ZNRF2: variants seen among roughly 807,000 people sequenced by gnomAD.
ZNRF2 encodes the protein zinc and ring finger 2.
ZNRF2 carries 16 observed loss-of-function variants against 20.4 expected under a neutral mutation model. The observed-to-expected ratio is 0.79, with a 90% CI of 0.53 to 1.19. The LOEUF is 1.19. ZNRF2 is among the 50% of genes most tolerant of loss of function. The pLI is 0.00. For missense variants in ZNRF2, 363 were observed against 332.4 expected (o/e 1.09, Z -0.72); for synonymous variants, 178 against 144.9 (o/e 1.23, Z -1.64).
chr7:30,344,787 T>C (rs779481590), intron 2 of ZNRF2, among the ~76,000 whole-genome samples: 2 of 152,248 alleles, frequency 1.3e-5, no homozygotes, highest in African/African-American at 4.8e-5. Context: ...TACCTAGATT[T>C]CTTGCATGTT....
intron 2 of ZNRF2, among the ~76,000 whole-genome samples, chr7:30,326,879 A>G (rs560266401): frequency 5.6e-4 from 85 of 152,182 alleles, no homozygotes; most frequent in Admixed American, 5.4e-3. Context: ...CATTTCTCTA[A>G]TGATCAGTGA....
chr7:30,348,758 T>A (rs1799918623), intron 2 of ZNRF2, among the ~76,000 whole-genome samples: 1 of 152,200 alleles, frequency 6.6e-6, no homozygotes, highest in Admixed American at 6.5e-5. Flanking sequence ...ATTGTTACAA[T>A]TGTACTATTC....
In ZNRF2 at chr7:30,337,823, C is replaced by G. The variant is rs141869075; in HGVS notation, c.565+14086C>G. Among the ~76,000 whole-genome samples the G allele has an allele frequency of 9.9e-5, 15 of 151,852 alleles. No individual in the cohort carries two copies. In the East Asian group the frequency reaches 2.9e-3, roughly 29 times the overall value. ...GAACAGGTAATATGTTTGCATGGTT[C>G]CTATGCAAAGAGATACAAAGTATGC... On this transcript the variant is annotated intron_variant, in intron 2 of 4. Coordinates refer to ENST00000323037, the MANE Select transcript of ZNRF2 (RefSeq NM_147128.4).
intron 1 of ZNRF2, among the ~76,000 whole-genome samples, chr7:30,292,877 G>A (rs1355190683): frequency 6.6e-6 from 1 of 152,292 alleles, no homozygotes; most frequent in Non-Finnish European, 1.5e-5. Flanking sequence ...CTGACCTGTG[G>A]TTTGCGGCTT....
At chr7:30,345,618 T>C (rs1365768640) in intron 2 of ZNRF2, among the ~76,000 whole-genome samples, 2 of 152,120 alleles carry the variant, frequency 1.3e-5, no homozygotes, top group Non-Finnish European at 2.9e-5. Flanking sequence ...TCCAGATTAA[T>C]TTAGAACTTC....
At chr7:30,289,810 G>A (rs746000347) in intron 1 of ZNRF2, 1 of 534,458 alleles carries the variant, frequency 1.9e-6, no homozygotes, top group East Asian at 5.5e-5. Flanking sequence ...TTTGCTGGCT[G>A]GTGCAGTGCC....
At chr7:30,329,671 T>C (rs1430517419) in intron 2 of ZNRF2, among the ~76,000 whole-genome samples, 3 of 152,184 alleles carry the variant, frequency 2.0e-5, no homozygotes, top group African/African-American at 4.8e-5. Context: ...ATTCTATTGT[T>C]TATAGATACC....
chr7:30,287,776 G>A (rs6942705), intron 1 of ZNRF2, among the ~76,000 whole-genome samples: 8,215 of 124,256 alleles, frequency 0.066, 97 homozygotes, highest in African/African-American at 0.097. Flanking sequence ...CAATTGTGCC[G>A]TAGTGTGCAA....
intron 1 of ZNRF2, among the ~76,000 whole-genome samples, chr7:30,291,909 A>G (rs1798917963): frequency 1.3e-5 from 2 of 152,192 alleles, no homozygotes; most frequent in African/African-American, 4.8e-5. Context: ...TTAGAATTCA[A>G]CCAGAGGGAA....
At chr7:30,307,324 T>TTG (rs1562607604) in intron 1 of ZNRF2, among the ~76,000 whole-genome samples, 8 of 137,380 alleles carry the variant, frequency 5.8e-5, no homozygotes, top group African/African-American at 1.8e-4. Context: ...CTGTTTTTTT[T>TTG]TGTTTTTTTT....
chr7:30,305,631 T>C (rs1799188209), intron 1 of ZNRF2, among the ~76,000 whole-genome samples: 2 of 152,304 alleles, frequency 1.3e-5, no homozygotes, highest in Admixed American at 1.3e-4. Context: ...CAGTTTTTAA[T>C]GTGGACATGT....
intron 1 of ZNRF2, among the ~76,000 whole-genome samples, chr7:30,293,558 A>G (rs574937495): frequency 6.6e-6 from 1 of 152,242 alleles, no homozygotes; most frequent in South Asian, 2.1e-4. Context: ...TTAGAAATTT[A>G]TCAGCGACAT....
intron 2 of ZNRF2, among the ~76,000 whole-genome samples, chr7:30,334,218 G>T (rs1418856978): frequency 6.6e-6 from 1 of 151,992 alleles, no homozygotes; most frequent in Non-Finnish European, 1.5e-5. Flanking sequence ...ATATGGCTAG[G>T]CAGTTTTTCC....
intron 1 of ZNRF2, among the ~76,000 whole-genome samples, chr7:30,293,737 T>G (rs1218878027): frequency 2.0e-5 from 3 of 152,234 alleles, no homozygotes; most frequent in African/African-American, 7.2e-5. Flanking sequence ...AAGTGCAGAT[T>G]GGTGGATATA....
At position 30,362,582 on chromosome 7, in the gene ZNRF2, G is replaced by C. The variant is rs1800143560; in HGVS notation, c.*22+126G>C. On this transcript the variant is annotated intron_variant, in intron 4 of 4. Transcript: ENST00000323037. Reference sequence around the variant, plus strand: ...GTATGTGTATGTTTCAGACACTTAGGCTACTGCATAGAAAACTTACATTAA... The same window carrying C: ...GTATGTGTATGTTTCAGACACTTAGCCTACTGCATAGAAAACTTACATTAA... 10 of 476,708 alleles carry C rather than the reference G, an allele frequency of 2.1e-5. No individual in the cohort carries two copies. In the South Asian group the frequency reaches 5.1e-4, roughly 24 times the overall value. The allele number at this position is 476,708 out of a possible 1,614,324, so 29.5% of individuals were successfully genotyped here. A position where few individuals can be genotyped will look rare whatever the true frequency, so the allele number is the denominator to read the frequency against.
At position 30,359,413 on chromosome 7, in the gene ZNRF2, CTA is replaced by C. The variant is rs367787353; in HGVS notation, c.672-2962_672-2961del. ...TGGTATTGGAAATAGCGTTCTCCCT[CTA>C]TGACTTTCTGTAATGCAGTGAACTC... On this transcript the variant is annotated intron_variant, in intron 3 of 4. Coordinates refer to ENST00000323037, the MANE Select transcript of ZNRF2 (RefSeq NM_147128.4). 9.7e-4 allele frequency among the ~76,000 whole-genome samples: 147 copies of C among 152,286 alleles called. 2 individuals are homozygous for C. The highest frequency in any genetic ancestry group is 3.4e-3 in the African/African-American group (142 of 41,566).
At chr7:30,289,754 A>G (rs775776544) in intron 1 of ZNRF2, 3 of 533,668 alleles carry the variant, frequency 5.6e-6, no homozygotes, top group South Asian at 4.2e-5. Context: ...ACAGGGCATC[A>G]CCTGATCTGA....
At chr7:30,360,027 A>C (rs762450353) in intron 3 of ZNRF2, among the ~76,000 whole-genome samples, 3 of 152,252 alleles carry the variant, frequency 2.0e-5, no homozygotes, top group Non-Finnish European at 4.4e-5. Context: ...AAATAGGCAT[A>C]TTTGGTAGAT....
At chr7:30,354,627 T>A (rs141651822) in intron 2 of ZNRF2, among the ~76,000 whole-genome samples, 1 of 152,222 alleles carries the variant, frequency 6.6e-6, no homozygotes, top group African/African-American at 2.4e-5. Context: ...CTTTAGAAAA[T>A]GTCCCTGCCT....
Sources: allele counts gnomAD v4.1 joint callset (sites outside exome capture counted in the v4.1 genomes callset), GRCh38; gene constraint gnomAD v4.1.1; transcripts MANE v1.5; gene names NCBI Gene and HGNC (gene_info 2026-07-23, HGNC 2026-07-21).